Variants in ATP2B2 observed in about 807,000 individuals in gnomAD.
The protein encoded by ATP2B2 is plasma membrane calcium-transporting ATPase 2.
A neutral mutation model predicts 120.0 loss-of-function variants in ATP2B2; 15 were observed. That is an observed-to-expected ratio of 0.12 (90% CI 0.08 to 0.19). The LOEUF (loss-of-function observed/expected upper bound fraction) is 0.19. Among genes scored for constraint, ATP2B2 ranks in the 10% least tolerant of loss-of-function variants. The pLI is 1.00. For missense variants in ATP2B2, 1,045 were observed against 1,719.8 expected (o/e 0.61, Z 6.94); for synonymous variants, 694 against 700.3 (o/e 0.99, Z 0.14).
At chr3:10,540,988 T>C (rs527485341) in intron 2 of ATP2B2, among the ~76,000 whole-genome samples, 10 of 152,210 alleles carry the variant, frequency 6.6e-5, no homozygotes, top group African/African-American at 2.2e-4. Flanking sequence ...GGGTGAATTG[T>C]GGTAGTTCGT....
intron 1 of ATP2B2, among the ~76,000 whole-genome samples, chr3:10,471,890 C>T (rs994903082): frequency 4.0e-5 from 6 of 151,624 alleles, no homozygotes; most frequent in Non-Finnish European, 8.8e-5. Context: ...ACCATCCTGG[C>T]GAACACGGTG....
chr3:10,627,127 C>G (rs2125632989), intron 1 of ATP2B2, among the ~76,000 whole-genome samples: 1 of 152,352 alleles, frequency 6.6e-6, no homozygotes, highest in East Asian at 1.9e-4. Flanking sequence ...TCCTTTAAGG[C>G]CTGCCAGATG....
intron 2 of ATP2B2, among the ~76,000 whole-genome samples, chr3:10,568,643 C>T (rs2068060239): frequency 6.6e-6 from 1 of 152,186 alleles, no homozygotes; most frequent in South Asian, 2.1e-4. Context: ...CTCAGGAAAC[C>T]ACGGCCTCCT....
intron 2 of ATP2B2, among the ~76,000 whole-genome samples, chr3:10,428,610 G>A (rs942642531): frequency 2.6e-5 from 4 of 152,148 alleles, no homozygotes; most frequent in Admixed American, 1.3e-4. Flanking sequence ...AAATTTTATG[G>A]GGAGACACAA....
chr3:10,618,040 G>A (rs2069442690), intron 2 of ATP2B2, among the ~76,000 whole-genome samples: 1 of 152,238 alleles, frequency 6.6e-6, no homozygotes, highest in African/African-American at 2.4e-5. Context: ...AAGCAGGAAG[G>A]AGAGCAAAAA....
chr3:10,700,121 A>C (rs1378294309), intron 1 of ATP2B2, among the ~76,000 whole-genome samples: 1 of 152,064 alleles, frequency 6.6e-6, no homozygotes, highest in Non-Finnish European at 1.5e-5. Context: ...AGGATTGGAG[A>C]GTGTGCTATA....
chr3:10,343,879 C>T lies in ATP2B2; in HGVS notation c.2704-914G>A, dbSNP rs180767039. On this transcript the variant is annotated intron_variant, in intron 18 of 22. Transcript: ENST00000360273. This position sits in a 1 kb window ranked among gnomAD's most constrained non-coding sequence, Gnocchi z 4.2. ...CCTGCCTCAGCCCCATTCTCCTCCT[C>T]GTCCTGTGGCTTTAGTTACATCCGT... 6.7e-4 allele frequency among the ~76,000 whole-genome samples: 102 copies of T among 152,262 alleles called. No individual in the cohort carries two copies. Among genetic ancestry groups the T allele is most frequent in the African/African-American group, 2.2e-3 (92 of 41,540 alleles).
At chr3:10,348,879 T>C (rs1240522101) in intron 16 of ATP2B2, among the ~76,000 whole-genome samples, 1 of 152,196 alleles carries the variant, frequency 6.6e-6, no homozygotes, top group East Asian at 1.9e-4. Flanking sequence ...TAAACAGTTA[T>C]GGAGAGAATG....
chr3:10,501,831 C>T (rs777473682), intron 1 of ATP2B2, among the ~76,000 whole-genome samples: 1 of 152,106 alleles, frequency 6.6e-6, no homozygotes, highest in African/African-American at 2.4e-5. Context: ...CAGCTCTGAG[C>T]GCCTATGTGC....
At position 10,706,059 on chromosome 3, in the gene ATP2B2, G is replaced by A. The variant is rs151128255; in HGVS notation, c.-460+1856C>T. ...CAAATGAACAAATGAGTGTGTCTCT[G>A]AGAGTGCTTAGTAAGTGCTTGCACC... is the stretch of plus-strand genomic sequence containing the variant. On this transcript the variant is annotated intron_variant, in intron 1 of 21. Coordinates refer to the ATP2B2 transcript ENST00000646379. Among the ~76,000 whole-genome samples, 192 of 152,330 alleles carry A rather than the reference G, an allele frequency of 1.3e-3. 1 individual carries two copies. Among genetic ancestry groups the A allele is most frequent in the Non-Finnish European group, 2.2e-3 (148 of 68,032 alleles).
intron 1 of ATP2B2, among the ~76,000 whole-genome samples, chr3:10,463,584 T>C (rs1401684016): frequency 3.9e-5 from 6 of 152,028 alleles, no homozygotes. Context: ...TTGCGCGGGG[T>C]CACGTAATTG....
At chr3:10,681,384 T>G (rs1256617050) in intron 1 of ATP2B2, among the ~76,000 whole-genome samples, 1 of 152,116 alleles carries the variant, frequency 6.6e-6, no homozygotes, top group African/African-American at 2.4e-5. Context: ...CCTCCTCGTT[T>G]CCAAAGTGCT....
At chr3:10,660,979 A>G (rs946166919) in intron 1 of ATP2B2, among the ~76,000 whole-genome samples, 1 of 152,252 alleles carries the variant, frequency 6.6e-6, no homozygotes, top group Non-Finnish European at 1.5e-5. Context: ...GCATATAAAC[A>G]GAACCAAAGA....
intron 3 of ATP2B2, among the ~76,000 whole-genome samples, chr3:10,517,544 G>A (rs754412903): frequency 6.6e-6 from 1 of 152,090 alleles, no homozygotes; most frequent in Non-Finnish European, 1.5e-5. Context: ...AATATCCACT[G>A]GCCCTTAATA....
In ATP2B2 at chr3:10,416,764, C is replaced by CT. The variant is rs112522558; in HGVS notation, c.200-5950dup. ...AGGGAAGGACTTTCTTTTTCTTTTT[C>CT]TTTTTTTTTTTTTTAATTAGAAAGT... On this transcript the variant is annotated intron_variant, in intron 2 of 22. Transcript: ENST00000360273. Among the ~76,000 whole-genome samples the CT allele has an allele frequency of 5.6e-3, 799 of 141,776 alleles. 6 individuals are homozygous for CT. The highest frequency in any genetic ancestry group is 0.011 in the Middle Eastern group (3 of 270). 93.0% of individuals were successfully genotyped at this position (141,776 alleles called of 152,430 possible).
chr3:10,431,904 T>C (rs1054312318), intron 2 of ATP2B2, among the ~76,000 whole-genome samples: 6 of 152,166 alleles, frequency 3.9e-5, no homozygotes, highest in Non-Finnish European at 7.3e-5. Flanking sequence ...TGGAGGCAAT[T>C]CTTTTAAAGC....
At chr3:10,674,410 T>C (rs991312284) in intron 1 of ATP2B2, among the ~76,000 whole-genome samples, 33 of 152,194 alleles carry the variant, frequency 2.2e-4, no homozygotes, top group African/African-American at 7.5e-4. Flanking sequence ...AGCCAATAAA[T>C]GCTGCAGTTA....
intron 7 of ATP2B2, 102 bp downstream of exon 7, chr3:10,386,378 G>A (rs926518210): frequency 7.5e-7 from 1 of 1,339,450 alleles, no homozygotes; most frequent in African/African-American, 1.4e-5. Context: ...CAGGCATGTG[G>A]CCTCCTCCAG....
At chr3:10,526,644 G>A (rs557483426) in intron 3 of ATP2B2, among the ~76,000 whole-genome samples, 8 of 152,158 alleles carry the variant, frequency 5.3e-5, no homozygotes, top group African/African-American at 7.2e-5. Context: ...TGAAGTCAGC[G>A]GGAGCTGTCT....
Sources: allele counts gnomAD v4.1 joint callset (sites outside exome capture counted in the v4.1 genomes callset), GRCh38; gene constraint gnomAD v4.1.1; non-coding constraint Gnocchi (gnomAD v3.1); transcripts MANE v1.5; gene names NCBI Gene and HGNC (gene_info 2026-07-23, HGNC 2026-07-21).